The following MYH1 variants were observed in gnomAD, a reference collection of about 807,000 sequenced individuals.
The protein encoded by MYH1 is myosin heavy chain 1, also known as myosin-1.
A neutral mutation model predicts 225.6 loss-of-function variants in MYH1; 214 were observed. The observed-to-expected ratio is 0.95, with a 90% CI of 0.85 to 1.06. The LOEUF (loss-of-function observed/expected upper bound fraction) is 1.06, where lower values mean the gene tolerates loss of function less well. Among genes scored for constraint, MYH1 ranks in the 50% least tolerant of loss-of-function variants. MYH1 has a pLI of 0.00. For synonymous variants in MYH1, 774 were observed against 842.3 expected, an observed-to-expected ratio of 0.92 and a Z score of 1.40; for missense variants, 2,098 against 2,344.2, an observed-to-expected ratio of 0.89 and a Z score of 2.17.
intron 6 of MYH1, 72 bp from the exon 7 acceptor site, chr17:10,514,196 C>A: frequency 6.6e-7 from 1 of 1,526,014 alleles, no homozygotes; most frequent in Non-Finnish European, 9.1e-7. Context: ...ATGGCTTTGT[C>A]TTTATATCTC....
In MYH1 at chr17:10,501,897, C is replaced by T. The variant is rs761343672; in HGVS notation, c.3126G>A (p.Leu1042=). ...CCATCCGGATTTTCTTTTCTTGTTC[C>T]AAAGATCCTTCAAGCTAAAAGTTAA... ...EQQVDDLEGS[L]EQEKKIRMDL... is the part of the protein sequence containing the mutation. The change falls in exon 25 of 40, where the codon TTG becomes TTA. Residue 1042 remains leucine, a synonymous_variant. Transcript: ENST00000226207. 2 of 1,605,548 alleles carry T rather than the reference C, an allele frequency of 1.2e-6. No individual in the cohort carries two copies. Among genetic ancestry groups the T allele is most frequent in the Non-Finnish European group, 1.7e-6 (2 of 1,177,994 alleles).
chr17:10,515,160 C>T (rs1246179614), intron 5 of MYH1, among the ~76,000 whole-genome samples: 2 of 152,182 alleles, frequency 1.3e-5, no homozygotes, highest in East Asian at 1.9e-4. Context: ...GCATAATATG[C>T]TAAAGGCTTG....
intron 15 of MYH1, 114 bp downstream of exon 15, chr17:10,509,371 C>G: frequency 6.6e-7 from 1 of 1,518,928 alleles, no homozygotes; most frequent in Non-Finnish European, 9.0e-7. Context: ...AAGGAATTCT[C>G]CTCATGTTTT....
At chr17:10,501,949 G>C in intron 24 of MYH1, 38 bp from the exon 25 acceptor site, 2 of 1,564,648 alleles carry the variant, frequency 1.3e-6, no homozygotes, top group Non-Finnish European at 1.7e-6. Flanking sequence ...TTCTTAGAAT[G>C]GTAGCACCTT....
At chr17:10,510,897 A>G (rs2073164170) in intron 14 of MYH1, among the ~76,000 whole-genome samples, 1 of 152,002 alleles carries the variant, frequency 6.6e-6, no homozygotes, top group African/African-American at 2.4e-5. Context: ...TTTATACTTT[A>G]AATAGGTGAA....
In MYH1 at chr17:10,505,824, T is replaced by A; in HGVS notation, c.2162A>T (p.Asp721Val). Residue 721 changes from aspartate (D) to valine (V), a missense_variant, in exon 19 of 40, where the codon GAC becomes GTC. Physicochemically the swap from Asp to Val is radical, Grantham distance 152. Transcript: ENST00000226207. ...KGFPSRILYA[D>V]FKQRYKVLNA... ...AAAAATGTCTGACCTCTGTTTGAAG[T>A]CTGCATAAAGGATTCTGCTTGGGAA... 1 of 1,614,000 alleles carries A rather than the reference T, an allele frequency of 6.2e-7. No homozygotes were observed. The highest frequency in any genetic ancestry group is 8.5e-7 in the Non-Finnish European group (1 of 1,179,892).
In MYH1 at chr17:10,516,530, A is replaced by T. The variant is rs2073231096; in HGVS notation, c.113T>A (p.Val38Asp). The change falls in exon 3 of 40, where the codon GTC becomes GAC. Residue 38 changes from valine (V) to aspartate (D), a missense_variant. Physicochemically the swap from Val to Asp is radical, Grantham distance 152. Transcript: ENST00000226207. ...QNKPFDAKTS[V>D]FVVDPKESFV... ...GGACTCCTTAGGGTCCACCACAAAG[A>T]CTGATGTCTTGGCATCAAAAGGCTT... The T allele has an allele frequency of 6.2e-7, 1 of 1,614,136 alleles. No homozygotes were observed. The highest frequency in any genetic ancestry group is 8.5e-7 in the Non-Finnish European group (1 of 1,180,026).
chr17:10,513,889 T>C lies in MYH1; in HGVS notation c.673A>G (p.Ser225Gly), dbSNP rs1763291384. 1 of 1,614,144 alleles carries C rather than the reference T, an allele frequency of 6.2e-7. No individual in the cohort carries two copies. ...MQGTLEDQII[S>G]ANPLLEAFGN... Reference sequence around the variant, plus strand: ...AAGGCCTCCAGTAGGGGGTTGGCACTGATGATTTGATCTTCCAGAGTCCCC... The same window carrying C: ...AAGGCCTCCAGTAGGGGGTTGGCACCGATGATTTGATCTTCCAGAGTCCCC... The change falls in exon 8 of 40, where the codon AGT (serine) becomes GGT (glycine). Residue 225 changes from serine to glycine, a missense_variant. By Grantham distance (56) the Ser-to-Gly change is moderately conservative. Transcript: ENST00000226207.
At chr17:10,494,754 T>G in intron 37 of MYH1, 81 bp from the exon 38 acceptor site, 1 of 1,589,274 alleles carries the variant, frequency 6.3e-7, no homozygotes, top group South Asian at 1.2e-5. Context: ...TCTTCTACTC[T>G]GCTTTATATG....
Position 10,497,323 on chromosome 17 carries a change from G to A in MYH1, c.4495C>T (p.Leu1499Phe), listed in dbSNP as rs745994219. The A allele has an allele frequency of 9.9e-6, 16 of 1,609,724 alleles. No homozygotes were observed. Among genetic ancestry groups the A allele is most frequent in the Middle Eastern group, 1.7e-4 (1 of 6,058 alleles). The change falls in exon 32 of 40, where the codon CTT becomes TTT. Residue 1499 changes from leucine (L) to phenylalanine (F), a missense_variant. Coordinates refer to ENST00000226207, the MANE Select transcript of MYH1 (RefSeq NM_005963.4). ...TTATTTTCCCGTTTCAAGGTTTCAA[G>A]TTGGTCTAAAGATTCCTCATAAGCA... ...KNAYEESLDQ[L>F]ETLKRENKNL...
Position 10,497,899 on chromosome 17 carries a change from A to G in MYH1, c.4200T>C (p.Arg1400=), listed in dbSNP as rs755870899. Residue 1400 remains arginine, a synonymous_variant, in exon 31 of 40, where the codon CGT becomes CGC. Coordinates refer to ENST00000226207, the MANE Select transcript of MYH1 (RefSeq NM_005963.4). The part of the protein sequence containing the change: ...LEEAKKKLAQ[R]LQDAEEHVEA... ...CTACATGTTCCTCAGCATCCTGCAG[A>G]CGCTGAGCCAGCTTCTTCCTATGAA... The G allele has an allele frequency of 1.3e-6, 2 of 1,599,672 alleles. No individual in the cohort carries two copies. Among genetic ancestry groups the G allele is most frequent in the African/African-American group, 2.7e-5 (2 of 73,792 alleles).
At position 10,516,474 on chromosome 17, in the gene MYH1, C is replaced by A. The variant is rs1023875526; in HGVS notation, c.169G>T (p.Gly57Trp). 1.4e-5 allele frequency: 22 copies of A among 1,614,102 alleles called. No homozygotes were observed. The highest frequency in any genetic ancestry group is 1.8e-5 in the Non-Finnish European group (21 of 1,180,052). The change falls in exon 3 of 40, where the codon GGG becomes TGG. Residue 57 changes from glycine to tryptophan, a missense_variant. Physicochemically the swap from Gly to Trp is radical, Grantham distance 184. Transcript: ENST00000226207. ...TCGGTCTTAGCTGTCACCTTCCCCC[C>A]TTCCCTGCTCTGCACTGTTGCTTTC... is the stretch of plus-strand genomic sequence containing the variant. ...FVKATVQSRE[G>W]GKVTAKTEAG...
intron 33 of MYH1, 52 bp downstream of exon 33, chr17:10,497,017 T>C (rs755058144): frequency 1.8e-5 from 28 of 1,577,406 alleles, no homozygotes; most frequent in African/African-American, 2.7e-5. Flanking sequence ...TTACATTTAA[T>C]AGACCCCAAT....
chr17:10,496,213 C>T, intron 34 of MYH1, 28 bp downstream of exon 34: 1 of 1,614,140 alleles, frequency 6.2e-7, no homozygotes, highest in Non-Finnish European at 8.5e-7. Context: ...CCCCAATTGT[C>T]CTGGGATCAT....
chr17:10,517,960 G>T (rs1375990127), intron 2 of MYH1, among the ~76,000 whole-genome samples: 1 of 152,088 alleles, frequency 6.6e-6, no homozygotes, highest in Non-Finnish European at 1.5e-5. Flanking sequence ...TCATTTAAAA[G>T]ATAAACTACA....
intron 14 of MYH1, among the ~76,000 whole-genome samples, chr17:10,510,339 A>G (rs1028722603): frequency 6.6e-6 from 1 of 152,198 alleles, no homozygotes; most frequent in African/African-American, 2.4e-5. Context: ...AGTAGACACT[A>G]TGCTGAGTGC....
chr17:10,495,464 T>C, intron 35 of MYH1, 147 bp from the exon 36 acceptor site: 1 of 1,234,186 alleles, frequency 8.1e-7, no homozygotes, highest in South Asian at 1.5e-5. Flanking sequence ...GACATATGTT[T>C]AAAAGACAAT....
chr17:10,501,463 C>T lies in MYH1; in HGVS notation c.3385G>A (p.Glu1129Lys). ...TCTGCTTTGGCCCGGGAGGCCCGCT[C>T]TGCCTCGATTTCCTCCTCCAGCTCC... The part of the protein sequence containing the change: ...IEELEEEIEA[E>K]RASRAKAEKQ... Residue 1129 changes from glutamate (E) to lysine (K), a missense_variant, in exon 27 of 40, where the codon GAG (glutamate) becomes AAG (lysine). Physicochemically the swap from Glu to Lys is moderately conservative, Grantham distance 56 (BLOSUM62 1). Transcript: ENST00000226207. 1 of 1,614,254 alleles carries T rather than the reference C, an allele frequency of 6.2e-7. No homozygotes were observed. The highest frequency in any genetic ancestry group is 1.1e-5 in the South Asian group (1 of 91,086).
chr17:10,505,242 C>T lies in MYH1; in HGVS notation c.2356G>A (p.Ala786Thr). Residue 786 changes from alanine (A) to threonine (T), a missense_variant, in exon 21 of 40, where the codon GCC becomes ACC. Ala to Thr is a moderately conservative substitution (Grantham distance 58). Coordinates refer to ENST00000226207, the MANE Select transcript of MYH1 (RefSeq NM_005963.4). ...GCCTGGGTTCGGGTAATCAGCTGGG[C>T]CAGCTTCTCATCTCGCATCTCCTCT... ...LLEEMRDEKL[A>T]QLITRTQAMC... 1 of 1,614,180 alleles carries T rather than the reference C, an allele frequency of 6.2e-7. No individual in the cohort carries two copies.
Sources: allele counts gnomAD v4.1 joint callset (sites outside exome capture counted in the v4.1 genomes callset), GRCh38; gene constraint gnomAD v4.1.1; transcripts MANE v1.5; gene names NCBI Gene and HGNC (gene_info 2026-07-23, HGNC 2026-07-21).